SASH1: variants seen among roughly 807,000 people sequenced by gnomAD.
SASH1 encodes SAM and SH3 domain-containing protein 1.
A neutral mutation model predicts 125.2 loss-of-function variants in SASH1; 44 were observed. That is an observed-to-expected ratio of 0.35 (90% confidence interval 0.28 to 0.45). The LOEUF is 0.45. Ranked by LOEUF, SASH1 falls within the 20% of genes least tolerant of loss-of-function variation. The probability of loss-of-function intolerance (pLI) is 1.00; values close to 1 mark genes in which losing one functional copy is unlikely to be tolerated. For synonymous variants in SASH1, 639 were observed against 649.1 expected (o/e 0.98, Z 0.24); for missense variants, 1,426 against 1,614.5 (o/e 0.88, Z 2.00).
At chr6:148,247,141 G>A in the SASH1 span, among the ~76,000 whole-genome samples, 2 of 152,210 alleles carry the variant, frequency 1.3e-5, no homozygotes, top group Admixed American at 6.5e-5. Flanking sequence ...CATAGGTGAA[G>A]ATTGTCTCTC....
At chr6:148,543,100 G>T (rs1395783655) in intron 17 of SASH1, among the ~76,000 whole-genome samples, 1 of 152,156 alleles carries the variant, frequency 6.6e-6, no homozygotes, top group Non-Finnish European at 1.5e-5. Flanking sequence ...TCAGTATTTT[G>T]TAGATTTTCT....
At chr6:148,340,280 C>T (rs565679959), upstream of SASH1, among the ~76,000 whole-genome samples, 140 of 151,900 alleles carry the variant, frequency 9.2e-4, no homozygotes, top group African/African-American at 3.2e-3. Flanking sequence ...GTCAGGAGTT[C>T]GAGACCAGCC....
intron 2 of SASH1, among the ~76,000 whole-genome samples, chr6:148,438,007 T>C (rs916480485): frequency 6.6e-6 from 1 of 152,184 alleles, no homozygotes; most frequent in Non-Finnish European, 1.5e-5. Context: ...ATGACTATTA[T>C]GATTACTAGT....
At chr6:148,260,923 G>GCCT in the SASH1 span, among the ~76,000 whole-genome samples, 1 of 149,568 alleles carries the variant, frequency 6.7e-6, no homozygotes, top group South Asian at 2.1e-4. Context: ...TCCTGCCTCA[G>GCCT]CCTCCCGAGT....
chr6:148,390,840 T>A (rs953413571), intron 2 of SASH1, among the ~76,000 whole-genome samples: 2 of 152,078 alleles, frequency 1.3e-5, no homozygotes, highest in Non-Finnish European at 2.9e-5. Context: ...GGGAAAAGTA[T>A]ATTTTTACTG....
intron 4 of SASH1, among the ~76,000 whole-genome samples, chr6:148,457,481 A>G (rs1777413906): frequency 6.6e-6 from 1 of 152,174 alleles, no homozygotes; most frequent in Non-Finnish European, 1.5e-5. Context: ...TGTGACTTAC[A>G]GTGACTAATT....
At chr6:148,305,595 G>A (rs936391034) in intron 1 of SASH1, among the ~76,000 whole-genome samples, 4 of 139,834 alleles carry the variant, frequency 2.9e-5, no homozygotes, top group South Asian at 2.2e-4. Flanking sequence ...TTGCACTCCA[G>A]CCTGGGCGAC....
At chr6:148,474,524 A>T (rs946949051) in intron 7 of SASH1, among the ~76,000 whole-genome samples, 1 of 152,200 alleles carries the variant, frequency 6.6e-6, no homozygotes, top group East Asian at 1.9e-4. Context: ...GTAGTAAAAG[A>T]TCAATTATTA....
chr6:148,236,865 G>A, the SASH1 span, among the ~76,000 whole-genome samples: 1 of 152,174 alleles, frequency 6.6e-6, no homozygotes, highest in Admixed American at 6.5e-5. Context: ...CATGGGAGGT[G>A]TTTAGATCAC....
intron 2 of SASH1, among the ~76,000 whole-genome samples, chr6:148,436,548 A>T (rs1229992601): frequency 1.3e-5 from 2 of 152,086 alleles, no homozygotes; most frequent in African/African-American, 4.8e-5. Context: ...CAAAAAACCA[A>T]AGGGGCAATA....
At chr6:148,490,959 A>G (rs1427895227) in intron 8 of SASH1, among the ~76,000 whole-genome samples, 1 of 152,310 alleles carries the variant, frequency 6.6e-6, no homozygotes, top group South Asian at 2.1e-4. Context: ...TTTATCTAAA[A>G]TGTTTTCCTC....
At chr6:148,478,963 G>T in intron 7 of SASH1, 1 of 160,302 alleles carries the variant, frequency 6.2e-6, no homozygotes, top group Non-Finnish European at 1.4e-5. Context: ...AGAAGTATGG[G>T]CATATGAGAA....
chr6:148,264,660 T>A, the SASH1 span, among the ~76,000 whole-genome samples: 1 of 152,192 alleles, frequency 6.6e-6, no homozygotes, highest in Non-Finnish European at 1.5e-5. Flanking sequence ...TACATCAACC[T>A]TTTTTCTCCC....
intron 2 of SASH1, among the ~76,000 whole-genome samples, chr6:148,415,140 A>T (rs1006576163): frequency 2.0e-5 from 3 of 152,202 alleles, no homozygotes; most frequent in African/African-American, 7.2e-5. Context: ...AAATGAGTTT[A>T]GAACTTTGTA....
chr6:148,285,970 C>G (rs554352456), intron 1 of SASH1, among the ~76,000 whole-genome samples: 37 of 152,216 alleles, frequency 2.4e-4, no homozygotes, highest in African/African-American at 8.2e-4. Context: ...GGAACTTTAG[C>G]AATAATCTAG....
At chr6:148,206,132 A>G in the SASH1 span, among the ~76,000 whole-genome samples, 2 of 152,070 alleles carry the variant, frequency 1.3e-5, no homozygotes, top group Admixed American at 1.3e-4. Flanking sequence ...GACTTAATCT[A>G]TTAAAGAGAA....
At chr6:148,237,879 C>G in the SASH1 span, among the ~76,000 whole-genome samples, 1 of 152,180 alleles carries the variant, frequency 6.6e-6, no homozygotes, top group East Asian at 1.9e-4. Flanking sequence ...TCCAGGCCTC[C>G]TTGCTGTTCC....
rs576798745 is a variant in SASH1 at position 148,446,088 on chromosome 6, CTTTTTTTTTTTTTTTTTTTT to C, written c.386+5700_386+5719del. ...TTGCTATCCTGAACAACATAGGGTTCTTTTTTTTTTTTTTTTTTTTTTTTTTTTTTTTTTTTTTGAGACGG... is the reference window on the plus strand; with the variant it reads ...TTGCTATCCTGAACAACATAGGGTTCTTTTTTTTTTTTTTTTTTGAGACGG... On this transcript the variant is annotated intron_variant, in intron 4 of 19. Coordinates refer to ENST00000367467, the MANE Select transcript of SASH1 (RefSeq NM_015278.5). Among the ~76,000 whole-genome samples, 549 of 71,016 alleles carry C rather than the reference CTTTTTTTTTTTTTTTTTTTT, an allele frequency of 7.7e-3. 12 individuals carry two copies. Among genetic ancestry groups the C allele is most frequent in the African/African-American group, 0.026 (484 of 18,948 alleles). The allele number at this position is 71,016 out of a possible 152,430, so 46.6% of individuals were successfully genotyped here.
chr6:148,324,118 CAAAA>C (rs56950339), intron 1 of SASH1, among the ~76,000 whole-genome samples: 5 of 59,442 alleles, frequency 8.4e-5, no homozygotes, highest in East Asian at 6.7e-4. Context: ...GAATCTGTCT[CAAAA>C]AAAAAAAAAA....
Sources: gnomAD v4.1 joint callset for allele counts (sites outside exome capture counted in the v4.1 genomes callset) on GRCh38, gnomAD v4.1.1 for gene constraint, MANE v1.5 for transcripts, NCBI Gene and HGNC (gene_info 2026-07-23, HGNC 2026-07-21) for gene names.